Variants in AKAP6 observed in about 807,000 individuals in gnomAD.
The protein encoded by AKAP6 is A-kinase anchoring protein 6.
AKAP6 carries 58 observed loss-of-function variants against 188.5 expected under a neutral mutation model. The ratio of observed to expected loss-of-function variants is 0.31; its 90% CI spans 0.25 to 0.38. AKAP6 has a LOEUF of 0.38. Among genes scored for constraint, AKAP6 ranks in the 10% least tolerant of loss-of-function variants. The pLI, the probability that AKAP6 is intolerant of heterozygous loss-of-function variation, is 1.00. For synonymous variants in AKAP6, 989 were observed against 998.6 expected (o/e 0.99, Z 0.18); for missense variants, 2,710 against 2,740.0 (o/e 0.99, Z 0.24).
chr14:32,663,048 C>G (rs56011432), intron 7 of AKAP6, among the ~76,000 whole-genome samples: 21,416 of 151,988 alleles, frequency 0.14, 2,180 homozygotes, highest in African/African-American at 0.29. Flanking sequence ...TTTCTCTTTT[C>G]AGTATAATTA....
chr14:32,611,371 A>T (rs1340935313), intron 7 of AKAP6, among the ~76,000 whole-genome samples: 1 of 152,134 alleles, frequency 6.6e-6, no homozygotes, highest in Non-Finnish European at 1.5e-5. Context: ...GGTGATTCTA[A>T]AGTACAGGAA....
At chr14:32,824,915 C>T (rs1309276166) in intron 13 of AKAP6, 100 bp downstream of exon 13, 13 of 885,860 alleles carry the variant, frequency 1.5e-5, no homozygotes, top group Non-Finnish European at 2.2e-5. Flanking sequence ...CCAGTTACGG[C>T]AGACAGTTAT....
intron 7 of AKAP6, among the ~76,000 whole-genome samples, chr14:32,652,462 A>C (rs1888272134): frequency 1.3e-5 from 2 of 152,208 alleles, no homozygotes; most frequent in African/African-American, 4.8e-5. Flanking sequence ...GAAATCCAGA[A>C]TATCAGGGAG....
At chr14:32,387,194 G>T (rs1223376219) in intron 1 of AKAP6, among the ~76,000 whole-genome samples, 1 of 152,010 alleles carries the variant, frequency 6.6e-6, no homozygotes, top group African/African-American at 2.4e-5. Context: ...CTTTCTGGAG[G>T]AATCTTTAGG....
At chr14:32,417,388 A>G (rs1173747919) in intron 1 of AKAP6, among the ~76,000 whole-genome samples, 1 of 152,208 alleles carries the variant, frequency 6.6e-6, no homozygotes, top group African/African-American at 2.4e-5. Context: ...AAAAATATAC[A>G]TATAGACTGA....
chr14:32,437,942 G>C (rs7158158), intron 2 of AKAP6, among the ~76,000 whole-genome samples: 3,788 of 152,110 alleles, frequency 0.025, 54 homozygotes, highest in Middle Eastern at 0.041. Flanking sequence ...TTATTTGCTT[G>C]TTTGTGTTTT....
chr14:32,795,818 T>A (rs140062097), intron 12 of AKAP6, among the ~76,000 whole-genome samples: 5 of 152,204 alleles, frequency 3.3e-5, no homozygotes, highest in East Asian at 1.9e-4. Context: ...AAAGGGCATT[T>A]AAATAGGAAG....
At chr14:32,567,965 C>T (rs949825217) in intron 4 of AKAP6, among the ~76,000 whole-genome samples, 1 of 150,772 alleles carries the variant, frequency 6.6e-6, no homozygotes, top group Non-Finnish European at 1.5e-5. Flanking sequence ...GGGAAGAGAG[C>T]AGAGGAGTGG....
intron 3 of AKAP6, 27 bp from the exon 4 acceptor site, chr14:32,545,203 T>A: frequency 6.3e-7 from 1 of 1,595,646 alleles, no homozygotes; most frequent in Non-Finnish European, 8.6e-7. Flanking sequence ...TTGCATTTAC[T>A]GAAACCATTG....
chr14:32,538,914 A>T (rs1167401774), intron 3 of AKAP6, among the ~76,000 whole-genome samples: 2 of 152,210 alleles, frequency 1.3e-5, no homozygotes, highest in Non-Finnish European at 2.9e-5. Flanking sequence ...ATATAAATCT[A>T]GGTGTACTTA....
At chr14:32,788,989 G>T (rs1284393629) in intron 12 of AKAP6, among the ~76,000 whole-genome samples, 1 of 152,150 alleles carries the variant, frequency 6.6e-6, no homozygotes, top group Non-Finnish European at 1.5e-5. Context: ...GGAGAGGGTC[G>T]GCCACCATCT....
At position 32,822,944 on chromosome 14, in the gene AKAP6, A is replaced by G. The variant is rs148686760; in HGVS notation, c.5131A>G (p.Ile1711Val). ...SEDIVLHKNK[I>V]PESNASFRKR... ...GGATATTGTGTTACACAAGAACAAG[A>G]TCCCGGAATCGAATGCATCGTTCAG... The change falls in exon 13 of 14, where the codon ATC becomes GTC. Residue 1711 changes from isoleucine to valine, a missense_variant. Coordinates refer to ENST00000280979, the MANE Select transcript of AKAP6 (RefSeq NM_004274.5). 6.2e-7 allele frequency: 1 copy of G among 1,613,924 alleles called. No homozygotes were observed. The highest frequency in any genetic ancestry group is 2.2e-5 in the East Asian group (1 of 44,880).
intron 5 of AKAP6, among the ~76,000 whole-genome samples, chr14:32,585,113 C>T (rs1885174308): frequency 6.6e-6 from 1 of 151,972 alleles, no homozygotes; most frequent in Admixed American, 6.6e-5. Context: ...GCAGTTTCCC[C>T]CTCTAGAGAT....
intron 5 of AKAP6, among the ~76,000 whole-genome samples, chr14:32,582,742 T>C (rs1885037236): frequency 6.6e-6 from 1 of 152,198 alleles, no homozygotes; most frequent in Non-Finnish European, 1.5e-5. Context: ...ATTCATTTCA[T>C]CTTCCATCAC....
intron 1 of AKAP6, among the ~76,000 whole-genome samples, chr14:32,333,452 A>G (rs549541106): frequency 6.6e-6 from 1 of 152,296 alleles, no homozygotes; most frequent in Admixed American, 6.5e-5. Context: ...TTCCCCAGCT[A>G]CATTCTAGAG....
chr14:32,352,103 T>TGTGTTTG, intron 1 of AKAP6, among the ~76,000 whole-genome samples: 2 of 120,404 alleles, frequency 1.7e-5, no homozygotes, highest in African/African-American at 7.0e-5. Context: ...GTGTGTGTGT[T>TGTGTTTG]TGTGTGTGTG....
intron 7 of AKAP6, among the ~76,000 whole-genome samples, chr14:32,654,012 G>A (rs114537299): frequency 0.011 from 1,692 of 152,146 alleles, 31 homozygotes; most frequent in African/African-American, 0.039. Flanking sequence ...TCTGCCATGC[G>A]CACAAGTCTA....
chr14:32,512,333 C>G (rs1881301921), intron 2 of AKAP6, among the ~76,000 whole-genome samples: 1 of 152,146 alleles, frequency 6.6e-6, no homozygotes, highest in Non-Finnish European at 1.5e-5. Flanking sequence ...AAAGTTCTTT[C>G]TCACTAAGTT....
At position 32,724,180 on chromosome 14, in the gene AKAP6, T is replaced by C. The variant is rs138500016; in HGVS notation, c.3001-8274T>C. Among the ~76,000 whole-genome samples, 629 of 152,340 alleles carry C rather than the reference T, an allele frequency of 4.1e-3. 7 individuals are homozygous for C. The highest frequency in any genetic ancestry group is 0.014 in the African/African-American group (588 of 41,570). On this transcript the variant is annotated intron_variant, in intron 9 of 13. Coordinates refer to ENST00000280979, the MANE Select transcript of AKAP6 (RefSeq NM_004274.5). ...AATGCATATTATACTTTATTGATCA[T>C]TGACGTTAGTATAATCTGCCAATCT...
Sources: allele counts gnomAD v4.1 joint callset (sites outside exome capture counted in the v4.1 genomes callset), GRCh38; gene constraint gnomAD v4.1.1; transcripts MANE v1.5; gene names NCBI Gene and HGNC (gene_info 2026-07-23, HGNC 2026-07-21).